Variants in TRHDE observed in about 807,000 individuals in gnomAD.
TRHDE encodes the protein thyrotropin-releasing hormone-degrading ectoenzyme.
A neutral mutation model predicts 125.7 loss-of-function variants in TRHDE; 72 were observed. The ratio of observed to expected loss-of-function variants is 0.57; its 90% CI spans 0.47 to 0.70. TRHDE has a LOEUF of 0.70. Ranked by LOEUF, TRHDE falls within the 30% of genes least tolerant of loss-of-function variation. TRHDE has a pLI of 0.00. For synonymous variants in TRHDE, 509 were observed against 509.1 expected, an observed-to-expected ratio of 1.00 and a Z score of 0.00; for missense variants, 1,110 against 1,327.1, an observed-to-expected ratio of 0.84 and a Z score of 2.54.
chr12:72,180,183 A>G (rs1877068615), intron 2 of TRHDE, among the ~76,000 whole-genome samples: 1 of 152,020 alleles, frequency 6.6e-6, no homozygotes, highest in African/African-American at 2.4e-5. Context: ...TTTTTTTTAA[A>G]AAAAAGTTAT....
At chr12:72,211,578 A>G (rs1877783294) in intron 2 of TRHDE, among the ~76,000 whole-genome samples, 1 of 152,172 alleles carries the variant, frequency 6.6e-6, no homozygotes, top group African/African-American at 2.4e-5. Context: ...GGTGTTGATA[A>G]TACATATTAA....
chr12:72,641,574 G>T (rs1874062182), intron 15 of TRHDE, among the ~76,000 whole-genome samples: 1 of 151,798 alleles, frequency 6.6e-6, no homozygotes, highest in Non-Finnish European at 1.5e-5. Flanking sequence ...TTTATCTTTG[G>T]TATATTTTAT....
chr12:72,199,373 TAAAAG>T (rs1487466100), intron 2 of TRHDE, among the ~76,000 whole-genome samples: 2 of 152,050 alleles, frequency 1.3e-5, no homozygotes, highest in African/African-American at 2.4e-5. Flanking sequence ...CATTTGGAAA[TAAAAG>T]GAAAGAGGGA....
intron 3 of TRHDE, among the ~76,000 whole-genome samples, chr12:72,435,554 C>T (rs1017818709): frequency 1.3e-5 from 2 of 151,318 alleles, no homozygotes; most frequent in Non-Finnish European, 2.9e-5. Flanking sequence ...ATAACATTGT[C>T]CTATTTTTAT....
intron 2 of TRHDE, among the ~76,000 whole-genome samples, chr12:72,147,013 C>G (rs923302111): frequency 1.3e-5 from 2 of 152,156 alleles, no homozygotes; most frequent in Admixed American, 1.3e-4. Context: ...CCGAACTCCC[C>G]TCGGCATCCA....
chr12:72,471,189 G>GT (rs980234806), intron 4 of TRHDE, among the ~76,000 whole-genome samples: 3 of 151,930 alleles, frequency 2.0e-5, no homozygotes, highest in Admixed American at 2.0e-4. Flanking sequence ...CTAAATGTCA[G>GT]TTTTTTGCAC....
intron 2 of TRHDE, chr12:72,140,566 T>C (rs542038571): frequency 6.6e-6 from 1 of 152,260 alleles, no homozygotes. Context: ...CAGGTTTGGC[T>C]CAGAATAAAT....
At chr12:72,618,616 G>A (rs754101479) in intron 12 of TRHDE, among the ~76,000 whole-genome samples, 14 of 151,960 alleles carry the variant, frequency 9.2e-5, no homozygotes, top group African/African-American at 3.1e-4. Flanking sequence ...ACCTAGGCTC[G>A]GTTTTGCTTA....
At chr12:72,341,137 T>A (rs1038935746) in intron 2 of TRHDE, among the ~76,000 whole-genome samples, 3 of 151,982 alleles carry the variant, frequency 2.0e-5, no homozygotes, top group Non-Finnish European at 4.4e-5. Context: ...CTTCAGTTTT[T>A]TTTTTTTTAA....
chr12:72,568,115 A>G (rs1045624275), intron 9 of TRHDE, among the ~76,000 whole-genome samples: 2 of 152,074 alleles, frequency 1.3e-5, no homozygotes, highest in Non-Finnish European at 2.9e-5. Context: ...TGTAAAGTAC[A>G]TTAATAGTGT....
intron 3 of TRHDE, among the ~76,000 whole-genome samples, chr12:72,468,168 C>T (rs1876473135): frequency 6.6e-6 from 1 of 152,080 alleles, no homozygotes. Flanking sequence ...TCTCTATGCA[C>T]GTGTTCATGT....
intron 2 of TRHDE, among the ~76,000 whole-genome samples, chr12:72,121,257 C>T (rs989996226): frequency 1.3e-5 from 2 of 152,158 alleles, no homozygotes; most frequent in Non-Finnish European, 2.9e-5. Context: ...CCCACTGGCT[C>T]TGCTGGTGCT....
intron 2 of TRHDE, among the ~76,000 whole-genome samples, chr12:72,316,732 T>C (rs1392392749): frequency 6.6e-6 from 1 of 152,224 alleles, no homozygotes; most frequent in East Asian, 1.9e-4. Flanking sequence ...TCCCATCATA[T>C]GAATATGCCA....
intron 6 of TRHDE, among the ~76,000 whole-genome samples, chr12:72,517,516 CTGTT>C (rs1878938519): frequency 6.6e-6 from 1 of 152,036 alleles, no homozygotes; most frequent in East Asian, 1.9e-4. Flanking sequence ...TTTATTGCGT[CTGTT>C]TGATTCTTCT....
At chr12:72,220,717 G>T (rs141906804) in intron 2 of TRHDE, among the ~76,000 whole-genome samples, 1 of 152,010 alleles carries the variant, frequency 6.6e-6, no homozygotes, top group Admixed American at 6.6e-5. Flanking sequence ...CTTTGAAGAC[G>T]TTTAACATGG....
In TRHDE at chr12:72,403,023, G is replaced by A. The variant is rs1331121710; in HGVS notation, c.1315+24902G>A. The stretch of plus-strand genomic sequence containing the variant: ...ATTCTGGCAGAAGATCACATACACA[G>A]TTTAGTTAAGCCTGGAAAAATCTGG... On this transcript the variant is annotated intron_variant, in intron 3 of 18. Transcript: ENST00000261180. Among the ~76,000 whole-genome samples, 4 of 152,280 alleles carry A rather than the reference G, an allele frequency of 2.6e-5. No individual in the cohort carries two copies. The East Asian group carries it at 5.8e-4, about 22-fold the overall frequency.
chr12:72,480,233 A>G (rs721596), intron 5 of TRHDE, among the ~76,000 whole-genome samples: 58,303 of 131,464 alleles, frequency 0.44, 14,218 homozygotes, highest in African/African-American at 0.72. Flanking sequence ...CTGAGGAATC[A>G]CCACACTGAC....
At chr12:72,553,187 G>A (rs1869756878) in intron 7 of TRHDE, among the ~76,000 whole-genome samples, 1 of 152,082 alleles carries the variant, frequency 6.6e-6, no homozygotes, top group African/African-American at 2.4e-5. Flanking sequence ...TGGTGATTAT[G>A]AATTTATCAT....
intron 2 of TRHDE, among the ~76,000 whole-genome samples, chr12:72,206,508 T>C (rs929137629): frequency 7.2e-5 from 11 of 152,196 alleles, no homozygotes; most frequent in Non-Finnish European, 1.0e-4. Context: ...GCCTAGTACC[T>C]AGTAGGTGTT....
Sources: gnomAD v4.1 joint callset for allele counts (sites outside exome capture counted in the v4.1 genomes callset) on GRCh38, gnomAD v4.1.1 for gene constraint, MANE v1.5 for transcripts, NCBI Gene and HGNC (gene_info 2026-07-23, HGNC 2026-07-21) for gene names.